Variants in CHRDL2 observed in about 807,000 individuals in gnomAD.
CHRDL2 encodes chordin-like protein 2.
Under a neutral mutation model 54.3 loss-of-function variants are expected in CHRDL2, and 41 were observed. That is an observed-to-expected ratio of 0.76 (90% CI 0.59 to 0.98). CHRDL2 has a LOEUF of 0.98. Among genes scored for constraint, CHRDL2 ranks in the 50% least tolerant of loss-of-function variants. The pLI is 0.00. For missense variants in CHRDL2, 518 were observed against 562.4 expected, an observed-to-expected ratio of 0.92 and a Z score of 0.80; for synonymous variants, 220 against 224.3, an observed-to-expected ratio of 0.98 and a Z score of 0.17.
At position 74,713,418 on chromosome 11, in the gene CHRDL2, G is replaced by A. The variant is rs539249156; in HGVS notation, c.257C>T (p.Thr86Met). The change falls in exon 3 of 11, where the codon ACG becomes ATG. Residue 86 changes from threonine (T) to methionine (M), a missense_variant. By Grantham distance (81) the Thr-to-Met change is moderately conservative (BLOSUM62 -1). Coordinates refer to ENST00000376332, the MANE Select transcript of CHRDL2 (RefSeq NM_001278473.3). Reference sequence around the variant, plus strand: ...CTTGGGACAGCATTGCTGTGGCTCCGTCACAGGCTGGGGGCAGTGGACAGG... The same window carrying A: ...CTTGGGACAGCATTGCTGTGGCTCCATCACAGGCTGGGGGCAGTGGACAGG... ...CPPVHCPQPV[T>M]EPQQCCPKCV... 280 of 1,614,168 alleles carry A rather than the reference G, an allele frequency of 1.7e-4. 4 individuals are homozygous for A. In the South Asian group the frequency reaches 2.7e-3, roughly 16 times the overall value.
At position 74,704,472 on chromosome 11, in the gene CHRDL2, G is replaced by T. The variant is rs375825690; in HGVS notation, c.751+14C>A. The stretch of plus-strand genomic sequence containing the variant: ...TTCCCTGCCTCACAGATTGGAGGAG[G>T]GTCCAGTCCCCACCTTTCTTATGTT... On this transcript the variant is annotated intron_variant, in intron 7 of 10. Coordinates refer to ENST00000376332, the MANE Select transcript of CHRDL2 (RefSeq NM_001278473.3). The T allele has an allele frequency of 1.3e-6, 2 of 1,583,110 alleles. No individual in the cohort carries two copies. Among genetic ancestry groups the T allele is most frequent in the African/African-American group, 1.4e-5 (1 of 72,964 alleles).
intron 5 of CHRDL2, 66 bp from the exon 6 acceptor site, chr11:74,706,608 G>T (rs2034019531): frequency 6.8e-7 from 1 of 1,479,254 alleles, no homozygotes. Context: ...GAGCCCTGAG[G>T]CCTCCACCTA....
At chr11:74,707,705 T>A (rs1016223222) in intron 5 of CHRDL2, among the ~76,000 whole-genome samples, 21 of 151,982 alleles carry the variant, frequency 1.4e-4, no homozygotes, top group Non-Finnish European at 2.5e-4. Context: ...GCAGCCCCCC[T>A]GCACGGGCTC....
intron 9 of CHRDL2, among the ~76,000 whole-genome samples, chr11:74,700,752 C>T (rs916022136): frequency 4.0e-5 from 6 of 151,864 alleles, no homozygotes; most frequent in African/African-American, 1.5e-4. Flanking sequence ...CCTTCCTCAG[C>T]CTCCTGAGTA....
Sources: gnomAD v4.1 joint callset for allele counts (sites outside exome capture counted in the v4.1 genomes callset) on GRCh38, gnomAD v4.1.1 for gene constraint, MANE v1.5 for transcripts, NCBI Gene and HGNC (gene_info 2026-07-23, HGNC 2026-07-21) for gene names.